GDPD5: variants seen among roughly 807,000 people sequenced by gnomAD.
The protein encoded by GDPD5 is glycerophosphodiester phosphodiesterase domain containing 5, also known as glycerophosphodiester phosphodiesterase 2.
GDPD5 carries 48 observed loss-of-function variants against 75.1 expected under a neutral mutation model. The ratio of observed to expected loss-of-function variants is 0.64; its 90% CI spans 0.51 to 0.81. The LOEUF (loss-of-function observed/expected upper bound fraction) is 0.81. Among genes scored for constraint, GDPD5 ranks in the 40% least tolerant of loss-of-function variants. GDPD5 has a pLI of 0.00. For missense variants in GDPD5, 706 were observed against 822.6 expected (o/e 0.86, Z 1.73); for synonymous variants, 336 against 339.0 (o/e 0.99, Z 0.10).
intron 2 of GDPD5, among the ~76,000 whole-genome samples, chr11:75,488,237 G>A (rs1950050949): frequency 6.6e-6 from 1 of 152,068 alleles, no homozygotes; most frequent in African/African-American, 2.4e-5. Flanking sequence ...CTCCCCCAGT[G>A]ACACTGACAG....
At chr11:75,442,690 G>T in intron 11 of GDPD5, 109 bp from the exon 12 acceptor site, 1 of 952,346 alleles carries the variant, frequency 1.1e-6, no homozygotes, top group Non-Finnish European at 1.6e-6. Flanking sequence ...AGAGTCTGCT[G>T]GGGTCAGGCA....
At chr11:75,450,229 A>G (rs1188298603) in intron 6 of GDPD5, among the ~76,000 whole-genome samples, 3 of 152,172 alleles carry the variant, frequency 2.0e-5, no homozygotes, top group Non-Finnish European at 4.4e-5. Context: ...AGGAAGGGAC[A>G]GCGAGAAATG....
At position 75,439,915 on chromosome 11, in the gene GDPD5, G is replaced by T; in HGVS notation, c.1520C>A (p.Ser507Tyr). 1.9e-6 allele frequency: 3 copies of T among 1,614,068 alleles called. No homozygotes were observed. Among genetic ancestry groups the T allele is most frequent in the Non-Finnish European group, 2.5e-6 (3 of 1,179,972 alleles). ...GAAGATGCCCACGATGAGGGTGAAG[G>T]AGACCAGGTCGGCAGTGACCCACAT... ...CLMWVTADLV[S>Y]FTLIVGIFVL... is the part of the protein sequence containing the mutation. The change falls in exon 15 of 17, where the codon TCC becomes TAC. Residue 507 changes from serine (S) to tyrosine (Y), a missense_variant. Physicochemically the swap from Ser to Tyr is moderately radical, Grantham distance 144. Coordinates refer to ENST00000336898, the MANE Select transcript of GDPD5 (RefSeq NM_030792.8).
intron 1 of GDPD5, among the ~76,000 whole-genome samples, chr11:75,516,943 G>C (rs1163342033): frequency 6.6e-6 from 1 of 152,218 alleles, no homozygotes; most frequent in Non-Finnish European, 1.5e-5. Context: ...GACCTTGTAT[G>C]GCAGGCGCAC....
chr11:75,457,433 T>C (rs543495696), intron 5 of GDPD5, among the ~76,000 whole-genome samples: 56 of 152,364 alleles, frequency 3.7e-4, no homozygotes, highest in African/African-American at 1.3e-3. Flanking sequence ...TAATGTGCCA[T>C]ATGTAGCCAA....
chr11:75,462,491 G>A (rs1024305890), intron 4 of GDPD5, among the ~76,000 whole-genome samples: 38 of 152,126 alleles, frequency 2.5e-4, no homozygotes, highest in East Asian at 1.9e-4. Flanking sequence ...GACTCCCCTC[G>A]GGGCATGGAT....
intron 9 of GDPD5, among the ~76,000 whole-genome samples, chr11:75,446,868 AGGGAAAAAAGGGACG>A (rs1948998762): frequency 6.6e-6 from 1 of 152,124 alleles, no homozygotes; most frequent in South Asian, 2.1e-4. Context: ...AAACAGCTTA[AGGGAAAAAAGGGACG>A]GGGAACTTTT....
intron 4 of GDPD5, among the ~76,000 whole-genome samples, chr11:75,461,684 C>A (rs993634193): frequency 1.3e-5 from 2 of 152,226 alleles, no homozygotes; most frequent in African/African-American, 4.8e-5. Context: ...CTCAGAAAGA[C>A]CTGATGAGGT....
rs1250280631 is a variant in GDPD5, at chr11:75,435,644, C to T, written c.1681G>A (p.Gly561Ser). Residue 561 changes from glycine (G) to serine (S), a missense_variant, in exon 17 of 17, where the codon GGT becomes AGT. Gly to Ser is a moderately conservative substitution (Grantham distance 56, BLOSUM62 0). Coordinates refer to ENST00000336898, the MANE Select transcript of GDPD5 (RefSeq NM_030792.8). ...EKLIFSEISD[G>S]VEVSDVLSVC... The stretch of plus-strand genomic sequence containing the variant: ...GAGAGCACATCGGAGACCTCTACAC[C>T]ATCGCTGATCTCTGCTGGGCCAGAG... 1.2e-6 allele frequency: 2 copies of T among 1,608,810 alleles called. No individual in the cohort carries two copies. The highest frequency in any genetic ancestry group is 1.1e-5 in the South Asian group (1 of 90,422).
chr11:75,520,433 C>T (rs376524184), intron 1 of GDPD5, among the ~76,000 whole-genome samples: 2 of 152,148 alleles, frequency 1.3e-5, no homozygotes, highest in African/African-American at 2.4e-5. Flanking sequence ...TCCCCTGGCC[C>T]GGAGGGTGTG....
intron 3 of GDPD5, among the ~76,000 whole-genome samples, chr11:75,463,241 A>T (rs147182002): frequency 9.1e-4 from 138 of 152,310 alleles, no homozygotes; most frequent in African/African-American, 3.2e-3. Context: ...GTGAAGTCAC[A>T]TCCCTCACAC....
chr11:75,483,766 A>G (rs1322406432), intron 2 of GDPD5, among the ~76,000 whole-genome samples: 1 of 152,248 alleles, frequency 6.6e-6, no homozygotes, highest in Non-Finnish European at 1.5e-5. Context: ...GATTCCATGT[A>G]TAAGAAATGA....
intron 3 of GDPD5, among the ~76,000 whole-genome samples, chr11:75,475,479 T>A (rs1333935860): frequency 2.0e-5 from 3 of 152,160 alleles, no homozygotes; most frequent in Non-Finnish European, 4.4e-5. Flanking sequence ...AGACACTAGG[T>A]CGCTATTCCT....
At chr11:75,470,126 C>T (rs1335469244) in intron 3 of GDPD5, among the ~76,000 whole-genome samples, 1 of 152,124 alleles carries the variant, frequency 6.6e-6, no homozygotes. Flanking sequence ...AAGACACCTG[C>T]AGCAAAGTGG....
Position 75,477,654 on chromosome 11 carries a change from T to C in GDPD5, c.82A>G (p.Lys28Glu). ...CLTGIYGCRW[K>E]RYQRSHDDTT... ...TCATCATGGGAGCGCTGGTAGCGCT[T>C]CCAACGGCAGCCGTAGATGCCCGTG... The change falls in exon 3 of 17, where the codon AAG becomes GAG. Residue 28 changes from lysine to glutamate, a missense_variant. Transcript: ENST00000336898. The C allele has an allele frequency of 6.2e-7, 1 of 1,600,348 alleles. No individual in the cohort carries two copies. Among genetic ancestry groups the C allele is most frequent in the Non-Finnish European group, 8.5e-7 (1 of 1,169,828 alleles).
rs766731274 is a variant in GDPD5, at chr11:75,477,623, G to A, written c.113C>T (p.Thr38Ile). Residue 38 changes from threonine (T) to isoleucine (I), a missense_variant, in exon 3 of 17, where the codon ACA (threonine) becomes ATA (isoleucine). By Grantham distance (89) the Thr-to-Ile change is moderately conservative. Coordinates refer to ENST00000336898, the MANE Select transcript of GDPD5 (RefSeq NM_030792.8). ...CCCTGTTCCAGGGTGGCTCACCGGT[G>A]TGGTATCATCATGGGAGCGCTGGTA... The part of the protein sequence containing the change: ...KRYQRSHDDT[T>I]PWERLWFLLL... The A allele has an allele frequency of 1.3e-6, 2 of 1,577,416 alleles. No individual in the cohort carries two copies. The highest frequency in any genetic ancestry group is 1.7e-6 in the Non-Finnish European group (2 of 1,154,386).
At chr11:75,473,391 G>T (rs1327158652) in intron 3 of GDPD5, among the ~76,000 whole-genome samples, 4 of 152,002 alleles carry the variant, frequency 2.6e-5, no homozygotes, top group African/African-American at 9.7e-5. Context: ...GGGAGGATGG[G>T]AGGATGGGAT....
At position 75,503,052 on chromosome 11, in the gene GDPD5, G is replaced by A. The variant is rs374986279; in HGVS notation, c.-144-12732C>T. ...TTTTCTTTTTTTGAGACTGAGTCTC[G>A]CTTTATCGCCCAGGCTGGAGTGCAG... On this transcript the variant is annotated intron_variant, in intron 1 of 16. Transcript: ENST00000336898. 1.1e-3 allele frequency among the ~76,000 whole-genome samples: 162 copies of A among 152,276 alleles called. 1 individual carries two copies. The highest frequency in any genetic ancestry group is 6.8e-3 in the Middle Eastern group (2 of 294).
At chr11:75,441,621 G>A in intron 13 of GDPD5, 25 bp downstream of exon 13, 1 of 1,536,950 alleles carries the variant, frequency 6.5e-7, no homozygotes, top group South Asian at 1.2e-5. Flanking sequence ...CCCTCTCCTG[G>A]AGGAGCCCAG....
Sources: gnomAD v4.1 joint callset for allele counts (sites outside exome capture counted in the v4.1 genomes callset) on GRCh38, gnomAD v4.1.1 for gene constraint, MANE v1.5 for transcripts, NCBI Gene and HGNC (gene_info 2026-07-23, HGNC 2026-07-21) for gene names.